GABPB2: variants seen among roughly 807,000 people sequenced by gnomAD.
GABPB2 encodes GA binding protein transcription factor subunit beta 2, also known as GA-binding protein subunit beta-2.
In GABPB2, 23 loss-of-function variants were observed where a neutral mutation model predicts 39.1. The ratio of observed to expected loss-of-function variants is 0.59; its 90% CI spans 0.42 to 0.83. The LOEUF is 0.83. Ranked by LOEUF, GABPB2 falls within the 40% of genes least tolerant of loss-of-function variation. The probability of loss-of-function intolerance (pLI) is 0.00; values close to 1 mark genes in which losing one functional copy is unlikely to be tolerated. For missense variants in GABPB2, 467 were observed against 541.1 expected, an observed-to-expected ratio of 0.86 and a Z score of 1.36; for synonymous variants, 184 against 199.3, an observed-to-expected ratio of 0.92 and a Z score of 0.65.
chr1:151,106,280 A>G (rs890714275), intron 6 of GABPB2, among the ~76,000 whole-genome samples: 7 of 148,714 alleles, frequency 4.7e-5, no homozygotes, highest in African/African-American at 1.7e-4. Flanking sequence ...CTTTCAAGAT[A>G]CTTTCTGAAA....
At position 151,088,246 on chromosome 1, in the gene GABPB2, T is replaced by C. The variant is rs1176811718; in HGVS notation, c.57T>C (p.Asp19=). The stretch of plus-strand genomic sequence containing the variant: ...TAGAAGCAGCAAGAAAAGGCCAAGA[T>C]GATGAAGTGAGAACGTTGATGGCAA... ...RLLEAARKGQ[D]DEVRTLMANG... is the part of the protein sequence containing the mutation. Residue 19 remains aspartate, a synonymous_variant, in exon 2 of 9, where the codon GAT becomes GAC. Transcript: ENST00000368918. 6.2e-7 allele frequency: 1 copy of C among 1,613,972 alleles called. No homozygotes were observed. Among genetic ancestry groups the C allele is most frequent in the Admixed American group, 1.7e-5 (1 of 59,974 alleles).
intron 6 of GABPB2, among the ~76,000 whole-genome samples, chr1:151,106,274 C>G (rs1679959941): frequency 6.6e-6 from 1 of 151,184 alleles, no homozygotes; most frequent in Admixed American, 6.6e-5. Flanking sequence ...TTTAGACTTT[C>G]AAGATACTTT....
At chr1:151,095,572 C>T (rs1162349036) in intron 4 of GABPB2, among the ~76,000 whole-genome samples, 1 of 152,154 alleles carries the variant, frequency 6.6e-6, no homozygotes, top group Non-Finnish European at 1.5e-5. Context: ...GGAAGTGCTA[C>T]TATTTCGCCA....
chr1:151,081,640 A>T (rs56120814), intron 1 of GABPB2, among the ~76,000 whole-genome samples: 3,206 of 148,036 alleles, frequency 0.022, 101 homozygotes, highest in African/African-American at 0.074. Context: ...ATTATTATTT[A>T]TTTTTTTTTT....
intron 1 of GABPB2, among the ~76,000 whole-genome samples, chr1:151,071,240 G>T (rs1008842692): frequency 3.3e-5 from 5 of 152,150 alleles, no homozygotes; most frequent in Non-Finnish European, 7.4e-5. Flanking sequence ...CGCGGAGCCG[G>T]GGCCGAGGCC....
intron 7 of GABPB2, among the ~76,000 whole-genome samples, chr1:151,108,694 A>G (rs1239683431): frequency 2.0e-5 from 3 of 152,112 alleles, no homozygotes; most frequent in African/African-American, 4.8e-5. Flanking sequence ...ATACATTAGT[A>G]TACTGAGGCA....
intron 1 of GABPB2, among the ~76,000 whole-genome samples, chr1:151,080,829 C>A (rs1406005712): frequency 6.7e-6 from 1 of 148,838 alleles, no homozygotes; most frequent in Non-Finnish European, 1.5e-5. Flanking sequence ...GCACTCCAGC[C>A]TGGGTAATAG....
At position 151,078,897 on chromosome 1, in the gene GABPB2, C is replaced by T. The variant is rs1242866389; in HGVS notation, c.-1+7963C>T. On this transcript the variant is annotated intron_variant, in intron 1 of 8. Transcript: ENST00000368918. ...ATGTTGGCCAGGCTGGTCTCCAACTCCTGCCCTCAAGTGACCCGCCTGCCT... is the reference window on the plus strand; with the variant it reads ...ATGTTGGCCAGGCTGGTCTCCAACTTCTGCCCTCAAGTGACCCGCCTGCCT... 2.0e-5 allele frequency among the ~76,000 whole-genome samples: 3 copies of T among 151,826 alleles called. No individual in the cohort carries two copies. The East Asian group carries it at 5.9e-4, about 30-fold the overall frequency.
At chr1:151,112,671 A>T in intron 7 of GABPB2, 1 of 204,884 alleles carries the variant, frequency 4.9e-6, no homozygotes, top group Non-Finnish European at 1.0e-5. Flanking sequence ...ACATGACAAG[A>T]GCAAGAACCC....
At chr1:151,071,778 C>G (rs1676749259) in intron 1 of GABPB2, among the ~76,000 whole-genome samples, 1 of 152,194 alleles carries the variant, frequency 6.6e-6, no homozygotes, top group African/African-American at 2.4e-5. Flanking sequence ...GGCCTCGCCT[C>G]TGCTTCTTTC....
At chr1:151,083,180 T>C (rs958399260) in intron 1 of GABPB2, among the ~76,000 whole-genome samples, 1 of 152,176 alleles carries the variant, frequency 6.6e-6, no homozygotes, top group Admixed American at 6.6e-5. Context: ...TATTGATGCA[T>C]TTTATTATAC....
intron 1 of GABPB2, among the ~76,000 whole-genome samples, chr1:151,077,201 G>A (rs771065042): frequency 3.3e-5 from 5 of 152,072 alleles, no homozygotes; most frequent in African/African-American, 1.2e-4. Flanking sequence ...ATTAAAGCCC[G>A]TTGGGAAAAC....
rs1681212612 is a variant in GABPB2, at chr1:151,122,315, G to A, written c.*4059G>A. 1 of 152,190 alleles carries A rather than the reference G, an allele frequency of 6.6e-6. No homozygotes were observed. Among genetic ancestry groups the A allele is most frequent in the Non-Finnish European group, 1.5e-5 (1 of 68,034 alleles). The allele number at this position is 152,190 out of a possible 1,614,324, so 9.4% of individuals were successfully genotyped here. ...TGTTGGGGATGACAGGAAAATGTGA[G>A]GGGGAGTAGCCTAGGTAAGGGTGAT... On this transcript the variant is annotated 3_prime_UTR_variant, in exon 9 of 9. Transcript: ENST00000368918.
chr1:151,070,825 A>T lies in GABPB2; in HGVS notation c.-110A>T, dbSNP rs1332858112. 1 of 152,160 alleles carries T rather than the reference A, an allele frequency of 6.6e-6. No individual in the cohort carries two copies. The highest frequency in any genetic ancestry group is 1.9e-4 in the East Asian group (1 of 5,196). The allele number at this position is 152,160 out of a possible 1,614,324, so 9.4% of individuals were successfully genotyped here. A position where few individuals can be genotyped will look rare whatever the true frequency, so the allele number is the denominator to read the frequency against. On this transcript the variant is annotated 5_prime_UTR_variant, in exon 1 of 9. It removes the in-frame stop codon of an upstream open reading frame in the 5' UTR. Coordinates refer to ENST00000368918, the MANE Select transcript of GABPB2 (RefSeq NM_144618.3). Reference sequence around the variant, plus strand: ...AAGGCCCCCAAAACATGCACACATGAAAAGGGCAAAAAGTAACCGTCCTTG... The same window carrying T: ...AAGGCCCCCAAAACATGCACACATGTAAAGGGCAAAAAGTAACCGTCCTTG...
At chr1:151,110,842 C>G (rs587618477) in intron 7 of GABPB2, among the ~76,000 whole-genome samples, 2 of 152,280 alleles carry the variant, frequency 1.3e-5, no homozygotes, top group East Asian at 3.9e-4. Context: ...ATTTAAATCC[C>G]AGACTAAACT....
rs1325988221 is a variant in GABPB2 at position 151,103,665 on chromosome 1, C to G, written c.726C>G (p.His242Gln). The G allele has an allele frequency of 1.9e-6, 3 of 1,610,568 alleles. No homozygotes were observed. In the South Asian group the frequency reaches 3.3e-5, roughly 18 times the overall value. The change falls in exon 6 of 9, where the codon CAC (histidine) becomes CAG (glutamine). Residue 242 changes from histidine to glutamine, a missense_variant. Coordinates refer to ENST00000368918, the MANE Select transcript of GABPB2 (RefSeq NM_144618.3). Reference sequence around the variant, plus strand: ...CATCAGTCCCCCTCTCCAACTCACACAGAGCCACAGGTAGGTAAGGGATAT... The same window carrying G: ...CATCAGTCCCCCTCTCCAACTCACAGAGAGCCACAGGTAGGTAAGGGATAT... ...AEASVPLSNS[H>Q]RATANTEEII...
chr1:151,086,464 T>C (rs769796272), intron 1 of GABPB2, among the ~76,000 whole-genome samples: 1 of 152,172 alleles, frequency 6.6e-6, no homozygotes, highest in Non-Finnish European at 1.5e-5. Context: ...CCAGCAGTTA[T>C]ACCCACTGTT....
rs1373081114 is a variant in GABPB2 at position 151,121,791 on chromosome 1, G to A, written c.*3535G>A. 1 of 152,222 alleles carries A rather than the reference G, an allele frequency of 6.6e-6. No homozygotes were observed. The highest frequency in any genetic ancestry group is 2.4e-5 in the African/African-American group (1 of 41,444). 9.4% of individuals were successfully genotyped at this position (152,222 alleles called of 1,614,324 possible). On this transcript the variant is annotated 3_prime_UTR_variant, in exon 9 of 9. Coordinates refer to ENST00000368918, the MANE Select transcript of GABPB2 (RefSeq NM_144618.3). ...CAGCATGGAGTTTTTCCCAAAGAAA[G>A]GGAATATGGATGGAGAGAGAGAGGT...
Position 151,093,374 on chromosome 1 carries a change from G to T in GABPB2, c.459G>T (p.Leu153Phe). The change falls in exon 4 of 9, where the codon TTG becomes TTT. Residue 153 changes from leucine to phenylalanine, a missense_variant. Transcript: ENST00000368918. Reference sequence around the variant, plus strand: ...TGGAGAAAAACAATGCTGAGATTTTGGTCATCCTCCAGGTGTGGTTCTTTT... The same window carrying T: ...TGGAGAAAAACAATGCTGAGATTTTTGTCATCCTCCAGGTGTGGTTCTTTT... ...IALEKNNAEI[L>F]VILQEAMQNQ... 2 of 1,597,456 alleles carry T rather than the reference G, an allele frequency of 1.3e-6. No homozygotes were observed. The highest frequency in any genetic ancestry group is 1.7e-6 in the Non-Finnish European group (2 of 1,172,256).
Sources: allele counts gnomAD v4.1 joint callset (sites outside exome capture counted in the v4.1 genomes callset), GRCh38; gene constraint gnomAD v4.1.1; transcripts MANE v1.5; gene names NCBI Gene and HGNC (gene_info 2026-07-23, HGNC 2026-07-21).